FANCD2: variants seen among roughly 807,000 people sequenced by gnomAD.
FANCD2 encodes the protein Fanconi anemia group D2 protein.
Under a neutral mutation model 192.3 loss-of-function variants are expected in FANCD2, and 131 were observed. The ratio of observed to expected loss-of-function variants is 0.68; its 90% CI spans 0.59 to 0.79. The LOEUF is 0.79. FANCD2 is among the 30% of genes least tolerant of loss of function. The pLI is 0.00. For synonymous variants in FANCD2, 524 were observed against 612.5 expected (o/e 0.86, Z 2.13); for missense variants, 1,508 against 1,701.6 (o/e 0.89, Z 2.00).
intron 41 of FANCD2, among the ~76,000 whole-genome samples, chr3:10,095,500 C>T (rs1280056531): frequency 6.6e-6 from 1 of 152,208 alleles, no homozygotes; most frequent in Non-Finnish European, 1.5e-5. Flanking sequence ...GCTCTTTTTC[C>T]TCTAGAAACT....
intron 18 of FANCD2, among the ~76,000 whole-genome samples, chr3:10,056,908 A>G (rs1454936286): frequency 6.6e-6 from 1 of 151,912 alleles, no homozygotes; most frequent in Non-Finnish European, 1.5e-5. Context: ...ACATTGGAGT[A>G]CAGTGGTGTT....
chr3:10,069,689 C>T (rs1234877972), intron 26 of FANCD2, among the ~76,000 whole-genome samples: 1 of 152,114 alleles, frequency 6.6e-6, no homozygotes, highest in Non-Finnish European at 1.5e-5. Flanking sequence ...GTCTCCAGCT[C>T]CTAACCGCGA....
chr3:10,051,871 T>TA (rs769239679), intron 17 of FANCD2, among the ~76,000 whole-genome samples: 58 of 152,230 alleles, frequency 3.8e-4, no homozygotes, highest in Non-Finnish European at 7.8e-4. Flanking sequence ...ACAAAGTAAA[T>TA]AGTTTCCTTG....
At chr3:10,069,573 T>A (rs1298727431) in intron 26 of FANCD2, among the ~76,000 whole-genome samples, 2 of 149,050 alleles carry the variant, frequency 1.3e-5, no homozygotes, top group South Asian at 2.2e-4. Flanking sequence ...CTGATTCTCC[T>A]GCCTCAGCCT....
At chr3:10,087,343 C>T (rs1037043544) in intron 34 of FANCD2, 79 bp downstream of exon 34, 38 of 1,385,318 alleles carry the variant, frequency 2.7e-5, no homozygotes, top group Non-Finnish European at 3.7e-5. Flanking sequence ...CTTTGGGCTT[C>T]CCAGGACATT....
At chr3:10,068,476 T>C (rs2087780867) in intron 26 of FANCD2, among the ~76,000 whole-genome samples, 1 of 151,924 alleles carries the variant, frequency 6.6e-6, no homozygotes, top group African/African-American at 2.4e-5. Flanking sequence ...TATGAAACAT[T>C]GATGCAAGAA....
chr3:10,067,438 T>TA (rs2125039345), intron 26 of FANCD2, 121 bp downstream of exon 26: 2 of 684,616 alleles, frequency 2.9e-6, no homozygotes, highest in African/African-American at 3.6e-5. Context: ...CTCAGGCCAA[T>TA]ATCCCTGATG....
chr3:10,040,228 G>A, intron 9 of FANCD2: 1 of 322,456 alleles, frequency 3.1e-6, no homozygotes, highest in African/African-American at 2.2e-5. Flanking sequence ...AGTAGAGACG[G>A]GGTTTCACCA....
At chr3:10,040,284 C>T (rs1001430437) in intron 9 of FANCD2, 1 of 338,898 alleles carries the variant, frequency 3.0e-6, no homozygotes, top group Non-Finnish European at 5.7e-6. Context: ...GATCCGCCCT[C>T]CTCGGCCTCC....
intron 30 of FANCD2, among the ~76,000 whole-genome samples, 177 bp from the exon 31 acceptor site, chr3:10,080,923 T>A (rs966250160): frequency 6.6e-6 from 1 of 152,228 alleles, no homozygotes; most frequent in Admixed American, 6.5e-5. Context: ...CTCTCAGTCA[T>A]TGGAAGATGG....
intron 25 of FANCD2, 30 bp from the exon 26 acceptor site, chr3:10,067,179 A>C (rs1559390354): frequency 3.0e-6 from 4 of 1,317,284 alleles, no homozygotes; most frequent in Non-Finnish European, 4.4e-6. Flanking sequence ...GAACATTTGG[A>C]AGTATGAGAA....
chr3:10,034,207 C>A (rs1197747878), intron 3 of FANCD2, among the ~76,000 whole-genome samples: 3 of 138,680 alleles, frequency 2.2e-5, no homozygotes. Context: ...GTCTGTAGTC[C>A]CAGCTACTTG....
rs561218090 is a variant in FANCD2 at position 10,101,336 on chromosome 3, G to A, written c.*74G>A. The stretch of plus-strand genomic sequence containing the variant: ...CATTTTGTGTTAGAGTTTGAAATCC[G>A]CTGTTTGCCTTTCTTACTGGTAGGA... On this transcript the variant is annotated 3_prime_UTR_variant, in exon 44 of 44. Transcript: ENST00000675286. The A allele has an allele frequency of 2.0e-4, 218 of 1,077,812 alleles. No individual in the cohort carries two copies. The highest frequency in any genetic ancestry group is 1.6e-3 in the South Asian group (126 of 79,564). The allele number at this position is 1,077,812 out of a possible 1,614,324, so 66.8% of individuals were successfully genotyped here.
intron 18 of FANCD2, among the ~76,000 whole-genome samples, chr3:10,055,860 T>C (rs2087394737): frequency 6.6e-6 from 1 of 151,928 alleles, no homozygotes. Flanking sequence ...ATTCCATTCT[T>C]TGTTTTTGTT....
chr3:10,095,333 A>G (rs1244760741), intron 41 of FANCD2, 59 bp downstream of exon 41: 3 of 1,350,536 alleles, frequency 2.2e-6, no homozygotes, highest in Admixed American at 1.7e-5. Flanking sequence ...TGCAGTTGCT[A>G]TTGGGGGATC....
At chr3:10,091,092 T>C (rs1324108933) in intron 37 of FANCD2, among the ~76,000 whole-genome samples, 2 of 151,426 alleles carry the variant, frequency 1.3e-5, no homozygotes, top group African/African-American at 4.8e-5. Context: ...CTTTTTTTTT[T>C]CTTTTTGAGA....
chr3:10,060,201 C>A, intron 18 of FANCD2, 93 bp from the exon 19 acceptor site: 6 of 775,904 alleles, frequency 7.7e-6, no homozygotes, highest in East Asian at 2.7e-5. Flanking sequence ...AAACGGTAAA[C>A]GCCTTTATAG....
chr3:10,058,997 T>A (rs974236988), intron 18 of FANCD2, among the ~76,000 whole-genome samples: 4 of 152,184 alleles, frequency 2.6e-5, no homozygotes, highest in African/African-American at 9.7e-5. Context: ...TTAATGTTTT[T>A]CAGCAATGTT....
intron 25 of FANCD2, among the ~76,000 whole-genome samples, chr3:10,066,184 C>T (rs181036192): frequency 2.7e-4 from 41 of 152,290 alleles, no homozygotes; most frequent in African/African-American, 9.1e-4. Context: ...TCACATTGCC[C>T]ATGCTTTATT....
Sources: gnomAD v4.1 joint callset for allele counts (sites outside exome capture counted in the v4.1 genomes callset) on GRCh38, gnomAD v4.1.1 for gene constraint, MANE v1.5 for transcripts, NCBI Gene and HGNC (gene_info 2026-07-23, HGNC 2026-07-21) for gene names.